The following DSCAM variants were observed in gnomAD, a reference collection of about 807,000 sequenced individuals.
The protein encoded by DSCAM is DS cell adhesion molecule, also known as cell adhesion molecule DSCAM.
DSCAM carries 47 observed loss-of-function variants against 217.7 expected under a neutral mutation model. The observed-to-expected ratio is 0.22, with a 90% CI of 0.17 to 0.28. DSCAM has a LOEUF of 0.28. Ranked by LOEUF, DSCAM falls within the 10% of genes least tolerant of loss-of-function variation. DSCAM has a pLI of 1.00. For missense variants in DSCAM, 2,080 were observed against 2,618.3 expected (o/e 0.79, Z 4.49); for synonymous variants, 1,056 against 1,015.3 (o/e 1.04, Z -0.76).
chr21:40,131,652 T>C (rs2090155682), intron 19 of DSCAM, among the ~76,000 whole-genome samples: 1 of 152,130 alleles, frequency 6.6e-6, no homozygotes, highest in Non-Finnish European at 1.5e-5. Context: ...CTCGAACTCC[T>C]GGCCTCAAGC....
rs114428347 is a variant in DSCAM, at chr21:40,066,262, G to A, written c.4889-3363C>T. ...TGAAGCTGCACAAAGATTTCCTGAG[G>A]ACACATTTAATTGTGAGAGACATCT... On this transcript the variant is annotated intron_variant, in intron 27 of 32. Coordinates refer to ENST00000400454, the MANE Select transcript of DSCAM (RefSeq NM_001389.5). 3.3e-3 allele frequency among the ~76,000 whole-genome samples: 507 copies of A among 152,340 alleles called. 5 individuals are homozygous for A. Among genetic ancestry groups the A allele is most frequent in the African/African-American group, 0.012 (488 of 41,582 alleles).
intron 11 of DSCAM, among the ~76,000 whole-genome samples, chr21:40,224,544 G>A (rs2091314904): frequency 6.6e-6 from 1 of 152,198 alleles, no homozygotes; most frequent in Admixed American, 6.5e-5. Context: ...GGGAAAGACT[G>A]CTTGGGAAAT....
intron 1 of DSCAM, among the ~76,000 whole-genome samples, chr21:40,798,251 G>C (rs1475522625): frequency 6.6e-6 from 1 of 151,856 alleles, no homozygotes; most frequent in Admixed American, 6.6e-5. Context: ...GAAGAAAAGA[G>C]TTAAAATCCA....
intron 4 of DSCAM, among the ~76,000 whole-genome samples, chr21:40,354,605 T>A (rs1329752149): frequency 1.3e-5 from 2 of 151,884 alleles, no homozygotes; most frequent in Non-Finnish European, 2.9e-5. Flanking sequence ...ATCCCAGCAC[T>A]TTGGGAGGCC....
intron 3 of DSCAM, among the ~76,000 whole-genome samples, chr21:40,579,955 C>T (rs1264648312): frequency 6.6e-6 from 1 of 152,184 alleles, no homozygotes; most frequent in Non-Finnish European, 1.5e-5. Flanking sequence ...AGCTGATGGT[C>T]AGGCCTCTCT....
At chr21:40,328,002 A>G (rs898976723) in intron 8 of DSCAM, among the ~76,000 whole-genome samples, 5 of 152,186 alleles carry the variant, frequency 3.3e-5, no homozygotes, top group African/African-American at 1.2e-4. Context: ...AAAGACAGAA[A>G]TAAATGGAAA....
At chr21:40,438,318 C>T (rs778083514) in intron 3 of DSCAM, among the ~76,000 whole-genome samples, 56 of 152,178 alleles carry the variant, frequency 3.7e-4, no homozygotes, top group Non-Finnish European at 6.8e-4. Flanking sequence ...ATAGATGCAA[C>T]GATCATGTGT....
intron 2 of DSCAM, among the ~76,000 whole-genome samples, chr21:40,701,710 C>T (rs888250707): frequency 1.3e-5 from 2 of 151,476 alleles, no homozygotes; most frequent in African/African-American, 2.4e-5. Context: ...TAAAAGAGTG[C>T]TATTCAGTAT....
At chr21:40,688,002 A>T (rs1189846939) in intron 3 of DSCAM, among the ~76,000 whole-genome samples, 1 of 152,138 alleles carries the variant, frequency 6.6e-6, no homozygotes, top group Non-Finnish European at 1.5e-5. Context: ...TGGGCAGAAA[A>T]TTGTTCACGT....
At chr21:40,522,767 C>A (rs1390331382) in intron 3 of DSCAM, among the ~76,000 whole-genome samples, 2 of 152,188 alleles carry the variant, frequency 1.3e-5, no homozygotes, top group African/African-American at 2.4e-5. Context: ...GATGCCAAAT[C>A]TTCCTGTTTC....
chr21:40,334,533 C>G (rs2074409425), intron 8 of DSCAM, among the ~76,000 whole-genome samples: 1 of 152,148 alleles, frequency 6.6e-6, no homozygotes, highest in African/African-American at 2.4e-5. Flanking sequence ...TCCCCCTGGT[C>G]CAAGCCACCA....
intron 11 of DSCAM, 55 bp downstream of exon 11, chr21:40,276,042 C>T (rs1005028306): frequency 1.2e-5 from 17 of 1,459,120 alleles, no homozygotes; most frequent in Admixed American, 2.5e-5. Flanking sequence ...AAAAGGAAGC[C>T]CCCAGAGACC....
At chr21:40,335,153 CT>C (rs2074417159) in intron 8 of DSCAM, among the ~76,000 whole-genome samples, 1 of 152,122 alleles carries the variant, frequency 6.6e-6, no homozygotes, top group African/African-American at 2.4e-5. Flanking sequence ...CAAAATCTCA[CT>C]TTTTCCAGGC....
At chr21:40,437,682 C>A (rs756416856) in intron 3 of DSCAM, among the ~76,000 whole-genome samples, 18 of 152,006 alleles carry the variant, frequency 1.2e-4, no homozygotes, top group Non-Finnish European at 2.5e-4. Flanking sequence ...GAGACCCCGT[C>A]ACTACTAAAA....
At chr21:40,598,729 T>C (rs1369690101) in intron 3 of DSCAM, among the ~76,000 whole-genome samples, 1 of 151,966 alleles carries the variant, frequency 6.6e-6, no homozygotes, top group Non-Finnish European at 1.5e-5. Context: ...GGACTTGATC[T>C]CTTGACCTTG....
At position 40,658,977 on chromosome 21, in the gene DSCAM, C is replaced by T. The variant is rs565108371; in HGVS notation, c.508+33833G>A. On this transcript the variant is annotated intron_variant, in intron 3 of 32. Coordinates refer to ENST00000400454, the MANE Select transcript of DSCAM (RefSeq NM_001389.5). Reference sequence around the variant, plus strand: ...TGTTCTGATAATCGGGCAAATGAGGCTTCGTCTTCAAGCCCCTGCGGTAAT... The same window carrying T: ...TGTTCTGATAATCGGGCAAATGAGGTTTCGTCTTCAAGCCCCTGCGGTAAT... Among the ~76,000 whole-genome samples, 10 of 152,180 alleles carry T rather than the reference C, an allele frequency of 6.6e-5. No individual in the cohort carries two copies. In the South Asian group the frequency reaches 1.7e-3, roughly 25 times the overall value.
intron 1 of DSCAM, among the ~76,000 whole-genome samples, chr21:40,747,645 A>C (rs1051637544): frequency 6.6e-6 from 1 of 151,928 alleles, no homozygotes; most frequent in Non-Finnish European, 1.5e-5. Flanking sequence ...ATTTACAACT[A>C]ATCTTTCTCA....
At chr21:40,480,594 T>C (rs1391396859) in intron 3 of DSCAM, among the ~76,000 whole-genome samples, 2 of 152,240 alleles carry the variant, frequency 1.3e-5, no homozygotes, top group Non-Finnish European at 2.9e-5. Context: ...TATTGAAACC[T>C]ATCTTCATGT....
At chr21:40,197,263 C>T (rs543770908) in intron 11 of DSCAM, among the ~76,000 whole-genome samples, 93 of 152,192 alleles carry the variant, frequency 6.1e-4, no homozygotes, top group African/African-American at 2.1e-3. Flanking sequence ...GGACTACAGG[C>T]GCCCACAACC....
Sources: allele counts gnomAD v4.1 joint callset (sites outside exome capture counted in the v4.1 genomes callset), GRCh38; gene constraint gnomAD v4.1.1; transcripts MANE v1.5; gene names NCBI Gene and HGNC (gene_info 2026-07-23, HGNC 2026-07-21).